Variants in SEC24A observed in about 807,000 individuals in gnomAD.
The protein encoded by SEC24A is SEC24 homolog A, COPII component.
Under a neutral mutation model 129.4 loss-of-function variants are expected in SEC24A, and 93 were observed. That is an observed-to-expected ratio of 0.72 (90% CI 0.61 to 0.85). The LOEUF (loss-of-function observed/expected upper bound fraction) is 0.85. Among genes scored for constraint, SEC24A ranks in the 40% least tolerant of loss-of-function variants. SEC24A has a pLI of 0.00. For missense variants in SEC24A, 1,264 were observed against 1,307.4 expected (o/e 0.97, Z 0.51); for synonymous variants, 460 against 467.3 (o/e 0.98, Z 0.20).
At chr5:134,689,293 T>C (rs1362475484) in intron 11 of SEC24A, among the ~76,000 whole-genome samples, 1 of 152,156 alleles carries the variant, frequency 6.6e-6, no homozygotes, top group East Asian at 1.9e-4. Flanking sequence ...TGGTGAATTA[T>C]CACATTATGT....
At position 134,651,329 on chromosome 5, in the gene SEC24A, C is replaced by G. The variant is rs1036987561; in HGVS notation, c.97+2156C>G. On this transcript the variant is annotated intron_variant, in intron 1 of 22. Coordinates refer to ENST00000398844, the MANE Select transcript of SEC24A (RefSeq NM_021982.3). The stretch of plus-strand genomic sequence containing the variant: ...TTATTTTTTGAGTCAGAGTTTCACT[C>G]TGTTGCCCAGGCTGGAGTACAATGG... 2.7e-5 allele frequency among the ~76,000 whole-genome samples: 4 copies of G among 149,238 alleles called. No individual in the cohort carries two copies. The Admixed American group carries it at 2.7e-4, about 10-fold the overall frequency.
chr5:134,663,940 G>A (rs192745761), intron 2 of SEC24A, among the ~76,000 whole-genome samples: 23 of 152,110 alleles, frequency 1.5e-4, no homozygotes, highest in Admixed American at 2.0e-4. Flanking sequence ...TGAAAACCTC[G>A]TGTCTACTAA....
At position 134,727,491 on chromosome 5, in the gene SEC24A, T is replaced by G. The variant is rs1198899478; in HGVS notation, c.*2397T>G. ...TATATTTTCACTGTTTTTAATTTAA[T>G]GTATTGAGTCTAATAGACTGTTTTG... On this transcript the variant is annotated 3_prime_UTR_variant, in exon 23 of 23. Coordinates refer to ENST00000398844, the MANE Select transcript of SEC24A (RefSeq NM_021982.3). 1 of 152,624 alleles carries G rather than the reference T, an allele frequency of 6.6e-6. No homozygotes were observed. Among genetic ancestry groups the G allele is most frequent in the Non-Finnish European group, 1.5e-5 (1 of 68,014 alleles). 9.5% of individuals were successfully genotyped at this position (152,624 alleles called of 1,614,324 possible).
At chr5:134,692,872 G>T in intron 12 of SEC24A, 1 of 725,024 alleles carries the variant, frequency 1.4e-6, no homozygotes, top group Non-Finnish European at 2.4e-6. Flanking sequence ...TAGTAGGGTA[G>T]AAAATAAGCA....
At chr5:134,673,051 A>AT (rs375750332) in intron 4 of SEC24A, among the ~76,000 whole-genome samples, 66,492 of 113,674 alleles carry the variant, frequency 0.58, 22,089 homozygotes, top group Middle Eastern at 0.74. Context: ...CCCATTTAGG[A>AT]TTTTTTTTTT....
intron 19 of SEC24A, among the ~76,000 whole-genome samples, chr5:134,716,393 C>T (rs548318530): frequency 6.2e-4 from 93 of 150,440 alleles, no homozygotes; most frequent in African/African-American, 2.0e-3. Flanking sequence ...TGCTTGAACC[C>T]GGGAGGCGGA....
intron 8 of SEC24A, among the ~76,000 whole-genome samples, chr5:134,681,035 G>C: frequency 6.6e-6 from 1 of 150,538 alleles, no homozygotes; most frequent in Non-Finnish European, 1.5e-5. Flanking sequence ...GGAAGCAAAG[G>C]TTTCAGTGAG....
intron 16 of SEC24A, among the ~76,000 whole-genome samples, chr5:134,705,088 A>ATT (rs1252732652): frequency 0.015 from 1,962 of 129,194 alleles, 33 homozygotes; most frequent in East Asian, 0.094. Context: ...ATATATATAT[A>ATT]TATTTTTTTT....
intron 3 of SEC24A, among the ~76,000 whole-genome samples, chr5:134,670,853 G>A (rs1241044531): frequency 6.6e-6 from 1 of 151,936 alleles, no homozygotes; most frequent in African/African-American, 2.4e-5. Context: ...GCCAGGCGTG[G>A]TGACGGGCAC....
At chr5:134,661,743 C>CA (rs1273738366) in intron 2 of SEC24A, among the ~76,000 whole-genome samples, 157 bp downstream of exon 2, 2 of 150,876 alleles carry the variant, frequency 1.3e-5, no homozygotes, top group African/African-American at 4.9e-5. Context: ...GGCTTTCCAG[C>CA]AAAAACCAGA....
At chr5:134,718,521 T>C (rs1356652413) in intron 20 of SEC24A, among the ~76,000 whole-genome samples, 1 of 152,154 alleles carries the variant, frequency 6.6e-6, no homozygotes, top group Non-Finnish European at 1.5e-5. Context: ...AGATGACATC[T>C]CTATGCATGT....
intron 1 of SEC24A, among the ~76,000 whole-genome samples, chr5:134,659,138 G>A (rs954716164): frequency 3.8e-4 from 57 of 151,292 alleles, no homozygotes; most frequent in African/African-American, 1.4e-3. Context: ...GTGGCGCGAT[G>A]TTGGCTCACT....
chr5:134,691,192 A>G (rs1751637526), intron 11 of SEC24A, among the ~76,000 whole-genome samples: 1 of 131,384 alleles, frequency 7.6e-6, no homozygotes, highest in African/African-American at 2.9e-5. Context: ...TTTTTTGAGA[A>G]GGAGTCTTGC....
chr5:134,684,867 C>G (rs996530775), intron 9 of SEC24A, among the ~76,000 whole-genome samples: 30 of 152,156 alleles, frequency 2.0e-4, no homozygotes, highest in African/African-American at 7.0e-4. Flanking sequence ...TTATCACCCA[C>G]ACTTTGCAAA....
chr5:134,713,878 A>C lies in SEC24A; in HGVS notation c.2728-1146A>C, dbSNP rs954961107. Among the ~76,000 whole-genome samples, 38 of 151,346 alleles carry C rather than the reference A, an allele frequency of 2.5e-4. 1 individual carries two copies. Among genetic ancestry groups the C allele is most frequent in the Non-Finnish European group, 1.2e-4 (8 of 67,864 alleles). On this transcript the variant is annotated intron_variant, in intron 18 of 22. Transcript: ENST00000398844. ...ACCTGCTCTCTACTAAAAATACAAA[A>C]AAAAAAAAAAAAAATTAGCCGGGTG...
At chr5:134,666,065 C>T (rs1750648763) in intron 2 of SEC24A, among the ~76,000 whole-genome samples, 2 of 151,926 alleles carry the variant, frequency 1.3e-5, no homozygotes, top group African/African-American at 4.8e-5. Flanking sequence ...ACAGGAGGAT[C>T]ACTGGAGCAC....
chr5:134,693,505 G>A, intron 12 of SEC24A: 1 of 1,415,818 alleles, frequency 7.1e-7, no homozygotes, highest in East Asian at 2.6e-5. Context: ...ACTACTGCAT[G>A]TGCAAGAACT....
intron 1 of SEC24A, 105 bp from the exon 2 acceptor site, chr5:134,661,014 G>T: frequency 1.2e-6 from 1 of 816,888 alleles, no homozygotes; most frequent in Non-Finnish European, 2.0e-6. Flanking sequence ...TTTTAATTGA[G>T]TTATGTGTTT....
intron 1 of SEC24A, among the ~76,000 whole-genome samples, chr5:134,653,258 G>A (rs1750127311): frequency 6.6e-6 from 1 of 151,560 alleles, no homozygotes. Context: ...TTGTTTGTTT[G>A]TTTTTTAAAG....
Sources: gnomAD v4.1 joint callset for allele counts (sites outside exome capture counted in the v4.1 genomes callset) on GRCh38, gnomAD v4.1.1 for gene constraint, MANE v1.5 for transcripts, NCBI Gene and HGNC (gene_info 2026-07-23, HGNC 2026-07-21) for gene names.